Variants in OR52E5 observed in about 807,000 individuals in gnomAD.
The protein encoded by OR52E5 is olfactory receptor family 52 subfamily E member 5.
intron 2 of OR52E5, among the ~76,000 whole-genome samples, chr11:5,900,375 T>TAC (rs61415771): frequency 0.048 from 7,213 of 150,440 alleles, 206 homozygotes; most frequent in Non-Finnish European, 0.067. Flanking sequence ...AGTGACATTT[T>TAC]ACACACACAC....
chr11:5,899,413 A>T (rs138587785), intron 2 of OR52E5, among the ~76,000 whole-genome samples: 2 of 152,296 alleles, frequency 1.3e-5, no homozygotes, highest in African/African-American at 2.4e-5. Flanking sequence ...GCAATTCCAC[A>T]CCATGAAATT....
chr11:5,901,635 A>C lies in OR52E5; in HGVS notation c.859A>C (p.Asn287His), dbSNP rs1325397349. Residue 287 changes from asparagine to histidine, a missense_variant, in exon 3 of 3, where the codon AAC becomes CAC. Transcript: ENST00000610445. The stretch of plus-strand genomic sequence containing the variant: ...GTATGTGGTTTTTCCCCCTGCTCTT[A>C]ACTCTGTTATCTATGGGGTCAAAAC... ...NLYVVFPPAL[N>H]SVIYGVKTKQ... 3 of 401,108 alleles carry C rather than the reference A, an allele frequency of 7.5e-6. No homozygotes were observed. Among genetic ancestry groups the C allele is most frequent in the African/African-American group, 2.1e-5 (1 of 48,648 alleles). The allele number at this position is 401,108 out of a possible 1,614,324, so 24.8% of individuals were successfully genotyped here.
At chr11:5,900,277 C>G (rs1847231140) in intron 2 of OR52E5, among the ~76,000 whole-genome samples, 1 of 152,070 alleles carries the variant, frequency 6.6e-6, no homozygotes, top group Non-Finnish European at 1.5e-5. Flanking sequence ...TACTGAGTCT[C>G]CTCTCACAGA....
At chr11:5,900,484 T>C (rs1564997944) in intron 2 of OR52E5, 148 bp from the exon 3 acceptor site, 1 of 267,538 alleles carries the variant, frequency 3.7e-6, no homozygotes, top group Non-Finnish European at 7.0e-6. Context: ...CATATGGAAG[T>C]TTTTTCTTAG....
chr11:5,900,767 G>A lies in OR52E5; in HGVS notation c.-10G>A, dbSNP rs890779962. The A allele has an allele frequency of 5.0e-6, 2 of 400,506 alleles. No homozygotes were observed. The highest frequency in any genetic ancestry group is 8.8e-6 in the Non-Finnish European group (2 of 226,200). 24.8% of individuals were successfully genotyped at this position (400,506 alleles called of 1,614,324 possible). ...TGCAAGAAATGTGTCTGTAGGGAAT[G>A]GCCACCAATATGCTTCATACCAACA... is the stretch of plus-strand genomic sequence containing the variant. On this transcript the variant is annotated 5_prime_UTR_variant, in exon 3 of 3. It removes an upstream start codon present in the reference 5' UTR. Coordinates refer to ENST00000610445, the MANE Select transcript of OR52E5 (RefSeq NM_001005166.5).
In OR52E5 at chr11:5,901,148, C is replaced by T; in HGVS notation, c.372C>T (p.Arg124=). 2.5e-6 allele frequency: 1 copy of T among 401,408 alleles called. No homozygotes were observed. The highest frequency in any genetic ancestry group is 4.4e-6 in the Non-Finnish European group (1 of 226,342). The allele number at this position is 401,408 out of a possible 1,614,324, so 24.9% of individuals were successfully genotyped here. A position where few individuals can be genotyped will look rare whatever the true frequency, so the allele number is the denominator to read the frequency against. Residue 124 remains arginine, a synonymous_variant, in exon 3 of 3, where the codon CGC becomes CGT. Coordinates refer to ENST00000610445, the MANE Select transcript of OR52E5 (RefSeq NM_001005166.5). ...SVVLTVTGID[R]YIAICNPLRY... ...TACTGACAGTCACGGGCATAGATCGCTATATTGCCATCTGCAACCCCCTGA... is the reference window on the plus strand; with the variant it reads ...TACTGACAGTCACGGGCATAGATCGTTATATTGCCATCTGCAACCCCCTGA...
intron 2 of OR52E5, among the ~76,000 whole-genome samples, chr11:5,900,366 G>C (rs1847232617): frequency 1.1e-5 from 1 of 94,514 alleles, no homozygotes; most frequent in Admixed American, 1.2e-4. Context: ...TCTCAGTCCA[G>C]TGACATTTTA....
At chr11:5,897,110 ACT>A (rs1422849456) in intron 2 of OR52E5, among the ~76,000 whole-genome samples, 1 of 152,056 alleles carries the variant, frequency 6.6e-6, no homozygotes, top group East Asian at 1.9e-4. Context: ...ATTGATACTG[ACT>A]CTTTTGTATT....
At chr11:5,898,539 T>G (rs995417538) in intron 2 of OR52E5, among the ~76,000 whole-genome samples, 1 of 152,176 alleles carries the variant, frequency 6.6e-6, no homozygotes, top group South Asian at 2.1e-4. Context: ...TCCAGAAAAG[T>G]TTTTCCTAGG....
At chr11:5,893,589 G>A (rs1473077096) in intron 1 of OR52E5, among the ~76,000 whole-genome samples, 1 of 152,058 alleles carries the variant, frequency 6.6e-6, no homozygotes, top group African/African-American at 2.4e-5. Context: ...TCATGAAGAT[G>A]AGAAGGATGT....
chr11:5,893,866 C>T (rs1308687871), intron 1 of OR52E5, among the ~76,000 whole-genome samples: 1 of 152,014 alleles, frequency 6.6e-6, no homozygotes, highest in Non-Finnish European at 1.5e-5. Flanking sequence ...AGAGATCAAA[C>T]CATCTCCAGA....
intron 2 of OR52E5, among the ~76,000 whole-genome samples, chr11:5,899,592 T>G (rs937546176): frequency 6.6e-6 from 1 of 152,204 alleles, no homozygotes; most frequent in Non-Finnish European, 1.5e-5. Flanking sequence ...ATTTGACCCA[T>G]GGCACTGATA....
chr11:5,899,131 T>A (rs913695081), intron 2 of OR52E5, among the ~76,000 whole-genome samples: 19 of 152,216 alleles, frequency 1.2e-4, no homozygotes, highest in African/African-American at 4.6e-4. Context: ...GTTCTCCTTG[T>A]AGAGATCTTT....
At chr11:5,896,726 TGTG>T (rs1309310749) in intron 2 of OR52E5, among the ~76,000 whole-genome samples, 2 of 152,182 alleles carry the variant, frequency 1.3e-5, no homozygotes, top group African/African-American at 4.8e-5. Flanking sequence ...CCCTGCATGA[TGTG>T]GTGATCATGT....
At chr11:5,898,939 T>C (rs936412386) in intron 2 of OR52E5, among the ~76,000 whole-genome samples, 11 of 152,208 alleles carry the variant, frequency 7.2e-5, no homozygotes, top group African/African-American at 2.7e-4. Context: ...TTTGGTTCCA[T>C]ATTAATTTTA....
chr11:5,896,187 G>A (rs1847171365), intron 2 of OR52E5, among the ~76,000 whole-genome samples: 1 of 144,036 alleles, frequency 6.9e-6, no homozygotes, highest in Admixed American at 7.3e-5. Context: ...CAGATCACGA[G>A]GTCAGGAGAT....
intron 2 of OR52E5, 102 bp from the exon 3 acceptor site, chr11:5,900,530 T>C (rs999135402): frequency 1.2e-5 from 4 of 336,446 alleles, no homozygotes; most frequent in African/African-American, 2.1e-5. Context: ...AAGTGCAGGA[T>C]TGCTATATTT....
intron 2 of OR52E5, among the ~76,000 whole-genome samples, chr11:5,899,756 A>G (rs1847223369): frequency 6.6e-6 from 1 of 152,168 alleles, no homozygotes; most frequent in Non-Finnish European, 1.5e-5. Flanking sequence ...CAGGCCTATT[A>G]TGTTGCAGAT....
At chr11:5,897,485 T>C (rs2134291344) in intron 2 of OR52E5, among the ~76,000 whole-genome samples, 1 of 152,320 alleles carries the variant, frequency 6.6e-6, no homozygotes, top group East Asian at 1.9e-4. Flanking sequence ...GCTGTGTACT[T>C]TTCTATGGTG....
Sources: allele counts gnomAD v4.1 joint callset (sites outside exome capture counted in the v4.1 genomes callset), GRCh38; gene constraint gnomAD v4.1.1; transcripts MANE v1.5; gene names NCBI Gene and HGNC (gene_info 2026-07-23, HGNC 2026-07-21).